The following GDPD4 variants were observed in gnomAD, a reference collection of about 807,000 sequenced individuals.
GDPD4 encodes the protein glycerophosphodiester phosphodiesterase 6.
In GDPD4, 60 loss-of-function variants were observed where a neutral mutation model predicts 67.8. The observed-to-expected ratio is 0.88, with a 90% CI of 0.72 to 1.10. The LOEUF (loss-of-function observed/expected upper bound fraction) is 1.10. GDPD4 is among the 50% of genes least tolerant of loss of function. GDPD4 has a pLI of 0.00. For synonymous variants in GDPD4, 212 were observed against 210.9 expected, an observed-to-expected ratio of 1.00 and a Z score of -0.04; for missense variants, 623 against 613.9, an observed-to-expected ratio of 1.01 and a Z score of -0.16.
chr11:77,299,244 C>T (rs1323136638), intron 1 of GDPD4, among the ~76,000 whole-genome samples: 1 of 152,178 alleles, frequency 6.6e-6, no homozygotes, highest in Non-Finnish European at 1.5e-5. Context: ...ATTAGGTATT[C>T]TGTCCCATTA....
intron 7 of GDPD4, chr11:77,270,925 T>C (rs185754370): frequency 3.9e-6 from 2 of 514,454 alleles, no homozygotes; most frequent in Non-Finnish European, 6.8e-6. Context: ...AAGGTCTGTT[T>C]GGCCACAGAA....
intron 13 of GDPD4, among the ~76,000 whole-genome samples, chr11:77,242,059 T>G (rs1958678352): frequency 6.7e-6 from 1 of 149,122 alleles, no homozygotes; most frequent in Non-Finnish European, 1.5e-5. Context: ...AGAGGAAATG[T>G]TGGGTCAAAA....
intron 5 of GDPD4, among the ~76,000 whole-genome samples, chr11:77,272,417 A>C (rs1167419148): frequency 6.6e-6 from 1 of 152,220 alleles, no homozygotes; most frequent in Admixed American, 6.5e-5. Flanking sequence ...CACAGATCTT[A>C]CCCAACACCA....
intron 4 of GDPD4, among the ~76,000 whole-genome samples, chr11:77,276,427 A>G (rs1391231887): frequency 2.6e-5 from 4 of 152,162 alleles, no homozygotes; most frequent in African/African-American, 9.7e-5. Flanking sequence ...CTTCAAAGCC[A>G]GTTCAAATCT....
rs184649542 is a variant in GDPD4, at chr11:77,293,903, T to C, written c.-253-6483A>G. ...TTGTTCAACATTGTACTGGCAGTCC[T>C]AGCCAGTGCAATAAGGCTAGAAAAA... On this transcript the variant is annotated intron_variant, in intron 1 of 16. Coordinates refer to ENST00000315938, the MANE Select transcript of GDPD4 (RefSeq NM_182833.3). 6.6e-5 allele frequency among the ~76,000 whole-genome samples: 10 copies of C among 152,250 alleles called. 1 individual carries two copies. Among genetic ancestry groups the C allele is most frequent in the Admixed American group, 5.9e-4 (9 of 15,288 alleles).
At chr11:77,260,504 A>G (rs1959096247) in intron 10 of GDPD4, among the ~76,000 whole-genome samples, 1 of 152,206 alleles carries the variant, frequency 6.6e-6, no homozygotes, top group African/African-American at 2.4e-5. Context: ...ATGTAAAACT[A>G]CAAGTCCAGC....
At chr11:77,243,961 T>C (rs1565517823) in intron 12 of GDPD4, 113 bp from the exon 13 acceptor site, 4 of 683,466 alleles carry the variant, frequency 5.9e-6, no homozygotes, top group African/African-American at 3.6e-5. Context: ...CTACAGAGAG[T>C]AGAGAGAGAG....
chr11:77,255,728 G>T (rs151125047), intron 11 of GDPD4, among the ~76,000 whole-genome samples: 151 of 152,200 alleles, frequency 9.9e-4, no homozygotes, highest in Middle Eastern at 3.4e-3. Context: ...GGGCATGGTG[G>T]CGCGTAGCTA....
At chr11:77,281,480 A>G (rs544112289) in intron 3 of GDPD4, among the ~76,000 whole-genome samples, 1 of 152,370 alleles carries the variant, frequency 6.6e-6, no homozygotes, top group Non-Finnish European at 1.5e-5. Flanking sequence ...TAAGGGGAAC[A>G]ACTAGAAAAG....
intron 4 of GDPD4, 132 bp downstream of exon 4, chr11:77,279,174 C>G: frequency 1.8e-6 from 1 of 566,652 alleles, no homozygotes; most frequent in East Asian, 2.8e-5. Context: ...AATGTAAATC[C>G]CAACTCTACT....
chr11:77,261,533 C>A (rs1959118096), intron 10 of GDPD4, among the ~76,000 whole-genome samples: 1 of 152,176 alleles, frequency 6.6e-6, no homozygotes. Context: ...CCACCACGCC[C>A]AGCCAAATCT....
chr11:77,217,264 C>T lies in GDPD4; in HGVS notation c.*13G>A. 1.3e-6 allele frequency: 2 copies of T among 1,595,468 alleles called. No homozygotes were observed. The highest frequency in any genetic ancestry group is 1.7e-6 in the Non-Finnish European group (2 of 1,163,018). On this transcript the variant is annotated 3_prime_UTR_variant, in exon 17 of 17. Coordinates refer to ENST00000315938, the MANE Select transcript of GDPD4 (RefSeq NM_182833.3). The stretch of plus-strand genomic sequence containing the variant: ...GGACAGGAGGTTTCATGGCTATGTG[C>T]AAATCTATCTATCTATCTATCTTCC...
chr11:77,271,471 G>T lies in GDPD4; in HGVS notation c.208-78C>A. The T allele has an allele frequency of 3.7e-6, 3 of 815,940 alleles. No homozygotes were observed. In the South Asian group the frequency reaches 4.5e-5, roughly 12 times the overall value. The allele number at this position is 815,940 out of a possible 1,614,324, so 50.5% of individuals were successfully genotyped here. A position where few individuals can be genotyped will look rare whatever the true frequency, so the allele number is the denominator to read the frequency against. On this transcript the variant is annotated intron_variant, in intron 5 of 16. Coordinates refer to ENST00000315938, the MANE Select transcript of GDPD4 (RefSeq NM_182833.3). ...AACTGTCCTCAGGAATTATATGTGT[G>T]TCTTCACAATGTCAGGGACCTTATC...
At chr11:77,280,952 A>G (rs138678713) in intron 3 of GDPD4, among the ~76,000 whole-genome samples, 2 of 152,362 alleles carry the variant, frequency 1.3e-5, no homozygotes, top group East Asian at 3.9e-4. Context: ...AGCTGAGAAT[A>G]TACAATGCTG....
intron 3 of GDPD4, among the ~76,000 whole-genome samples, chr11:77,282,404 C>T (rs1959795951): frequency 6.6e-6 from 1 of 152,044 alleles, no homozygotes; most frequent in African/African-American, 2.4e-5. Flanking sequence ...CCTGCAATCC[C>T]AGCAATTTGG....
At position 77,245,477 on chromosome 11, in the gene GDPD4, G is replaced by A; in HGVS notation, c.890C>T (p.Pro297Leu). Residue 297 changes from proline to leucine, a missense_variant, in exon 12 of 17, where the codon CCT becomes CTT. Physicochemically the swap from Pro to Leu is moderately conservative, Grantham distance 98. Coordinates refer to ENST00000315938, the MANE Select transcript of GDPD4 (RefSeq NM_182833.3). ...TCTTTCTTTATCTGCCTCTGATAGA[G>A]GTTTCATATTGTAAAATGGCCTGAG... is the stretch of plus-strand genomic sequence containing the variant. ...PELRPFYNMK[P>L]LSEADKERAR... 1 of 1,613,780 alleles carries A rather than the reference G, an allele frequency of 6.2e-7. No homozygotes were observed.
At chr11:77,250,590 G>GAGA (rs901561036) in intron 11 of GDPD4, among the ~76,000 whole-genome samples, 10 of 152,106 alleles carry the variant, frequency 6.6e-5, no homozygotes, top group African/African-American at 1.9e-4. Context: ...CACATGGTCT[G>GAGA]TCCTGGAGAA....
chr11:77,222,751 G>A (rs1283424611), intron 16 of GDPD4, among the ~76,000 whole-genome samples: 1 of 152,124 alleles, frequency 6.6e-6, no homozygotes, highest in Non-Finnish European at 1.5e-5. Context: ...GGTGGTCTCT[G>A]TATTTCCTGA....
intron 1 of GDPD4, among the ~76,000 whole-genome samples, chr11:77,300,785 TAAAC>T (rs1938134001): frequency 6.6e-6 from 1 of 152,134 alleles, no homozygotes; most frequent in Non-Finnish European, 1.5e-5. Context: ...ATTTGGGAAT[TAAAC>T]ACACAGAAAC....
Sources: gnomAD v4.1 joint callset for allele counts (sites outside exome capture counted in the v4.1 genomes callset) on GRCh38, gnomAD v4.1.1 for gene constraint, MANE v1.5 for transcripts, NCBI Gene and HGNC (gene_info 2026-07-23, HGNC 2026-07-21) for gene names.